ACACA: variants seen among roughly 807,000 people sequenced by gnomAD.
ACACA encodes the protein acetyl-CoA carboxylase alpha.
A neutral mutation model predicts 296.1 loss-of-function variants in ACACA; 103 were observed. The observed-to-expected ratio is 0.35, with a 90% CI of 0.30 to 0.41. The LOEUF (loss-of-function observed/expected upper bound fraction) is 0.41. Among genes scored for constraint, ACACA ranks in the 10% least tolerant of loss-of-function variants. The pLI, the probability that ACACA is intolerant of heterozygous loss-of-function variation, is 1.00. For synonymous variants in ACACA, 953 were observed against 1,038.6 expected, an observed-to-expected ratio of 0.92 and a Z score of 1.58; for missense variants, 1,554 against 2,989.7, an observed-to-expected ratio of 0.52 and a Z score of 11.20.
Position 37,097,804 on chromosome 17 carries a change from C to A in ACACA, c.6720+26G>T, listed in dbSNP as rs780931337. 2 of 1,612,910 alleles carry A rather than the reference C, an allele frequency of 1.2e-6. No individual in the cohort carries two copies. The highest frequency in any genetic ancestry group is 1.7e-5 in the Admixed American group (1 of 59,990). ...CACTTGCCCACATGTGGGCCTCTGACAAGAAGTGGCAACCATTGTACTTAC... is the reference window on the plus strand; with the variant it reads ...CACTTGCCCACATGTGGGCCTCTGAAAAGAAGTGGCAACCATTGTACTTAC... On this transcript the variant is annotated intron_variant, in intron 53 of 55. Coordinates refer to ENST00000616317, the MANE Select transcript of ACACA (RefSeq NM_198834.3). This position sits in a 1 kb window ranked among gnomAD's most constrained non-coding sequence, Gnocchi z 4.8.
intron 29 of ACACA, among the ~76,000 whole-genome samples, chr17:37,219,225 C>T (rs1033746242): frequency 1.3e-5 from 2 of 152,140 alleles, no homozygotes; most frequent in African/African-American, 2.4e-5. Context: ...GTCAATGGAG[C>T]TTCTTGGTTG....
At chr17:37,282,236 C>A (rs181172060) in intron 5 of ACACA, among the ~76,000 whole-genome samples, 81 of 152,290 alleles carry the variant, frequency 5.3e-4, no homozygotes, top group Admixed American at 1.4e-3. Context: ...ACCCTCCCCA[C>A]AATTCTCTGT....
At chr17:37,338,424 A>C (rs1316510116) in intron 2 of ACACA, among the ~76,000 whole-genome samples, 2 of 152,058 alleles carry the variant, frequency 1.3e-5, no homozygotes, top group Non-Finnish European at 2.9e-5. Context: ...TGGGAGGCCG[A>C]GGCAGGTAGA....
At chr17:37,313,167 G>C (rs545484332) in intron 3 of ACACA, among the ~76,000 whole-genome samples, 1 of 152,196 alleles carries the variant, frequency 6.6e-6, no homozygotes, top group East Asian at 1.9e-4. Context: ...AGGAGGGAGA[G>C]CATCAGGAAG....
intron 1 of ACACA, among the ~76,000 whole-genome samples, chr17:37,399,328 G>T (rs1216486981): frequency 6.6e-6 from 1 of 152,052 alleles, no homozygotes; most frequent in Non-Finnish European, 1.5e-5. Context: ...TCAAATTCAG[G>T]AAAGTTTCAA....
At chr17:37,398,985 CT>C (rs35767845) in intron 1 of ACACA, among the ~76,000 whole-genome samples, 224 of 142,900 alleles carry the variant, frequency 1.6e-3, no homozygotes, top group Non-Finnish European at 1.4e-3. Flanking sequence ...TCCCTAAATT[CT>C]TTTTTTTTTT....
rs1482335603 is a variant in ACACA at position 37,202,700 on chromosome 17, TATATATATATATACAC to T, written c.4057-2233_4057-2218del. 6.2e-3 allele frequency among the ~76,000 whole-genome samples: 112 copies of T among 17,922 alleles called. 1 individual carries two copies. Among genetic ancestry groups the T allele is most frequent in the African/African-American group, 0.017 (61 of 3,540 alleles). The allele number at this position is 17,922 out of a possible 152,430, so 11.8% of individuals were successfully genotyped here. On this transcript the variant is annotated intron_variant, in intron 33 of 55. Transcript: ENST00000616317. ...ATATATATATATATATATATATATA[TATATATATATATACAC>T]ACACACATATATTTTAACAAGGAGA...
intron 10 of ACACA, among the ~76,000 whole-genome samples, chr17:37,269,777 A>AAAAAG (rs2081986579): frequency 1.3e-5 from 2 of 151,242 alleles, no homozygotes; most frequent in Admixed American, 1.3e-4. Flanking sequence ...AAAAAAAAAA[A>AAAAAG]GCGAAATAAA....
chr17:37,379,473 G>A (rs1049880441), intron 1 of ACACA: 23 of 1,436,770 alleles, frequency 1.6e-5, no homozygotes, highest in Non-Finnish European at 2.1e-5. Flanking sequence ...AAAGCTACAA[G>A]AAAATGAATT....
intron 24 of ACACA, among the ~76,000 whole-genome samples, chr17:37,237,902 C>G (rs1382443360): frequency 6.6e-6 from 1 of 152,130 alleles, no homozygotes; most frequent in Non-Finnish European, 1.5e-5. Flanking sequence ...GCTAGGACTA[C>G]AGGCACATAA....
At chr17:37,293,891 G>T (rs1000274057) in intron 3 of ACACA, among the ~76,000 whole-genome samples, 6 of 152,086 alleles carry the variant, frequency 3.9e-5, no homozygotes, top group African/African-American at 1.4e-4. Context: ...CCCATTCACT[G>T]TACTCAATTC....
intron 39 of ACACA, among the ~76,000 whole-genome samples, chr17:37,186,069 G>C (rs1396226826): frequency 6.6e-6 from 1 of 152,196 alleles, no homozygotes; most frequent in Non-Finnish European, 1.5e-5. Flanking sequence ...AATAAATGAT[G>C]TGCTAGGGCA....
At chr17:37,282,640 A>G (rs2082592439) in intron 5 of ACACA, among the ~76,000 whole-genome samples, 1 of 152,152 alleles carries the variant, frequency 6.6e-6, no homozygotes, top group Non-Finnish European at 1.5e-5. Context: ...AAAAAAAAGT[A>G]AAAAAACATA....
At chr17:37,278,443 G>T (rs2082365216) in intron 5 of ACACA, among the ~76,000 whole-genome samples, 1 of 152,186 alleles carries the variant, frequency 6.6e-6, no homozygotes, top group Non-Finnish European at 1.5e-5. Flanking sequence ...AGATAGGAGA[G>T]CCTGAATGGC....
At chr17:37,150,239 A>T (rs1206882772) in intron 44 of ACACA, among the ~76,000 whole-genome samples, 1 of 152,160 alleles carries the variant, frequency 6.6e-6, no homozygotes, top group African/African-American at 2.4e-5. Context: ...ACTTGAGCCC[A>T]GGAGTTCAAG....
chr17:37,104,725 G>A (rs1030459638), intron 52 of ACACA, among the ~76,000 whole-genome samples: 3 of 152,064 alleles, frequency 2.0e-5, no homozygotes, highest in Admixed American at 6.5e-5. Flanking sequence ...GAAGGACTGC[G>A]GAGGCCAGGA....
intron 1 of ACACA, among the ~76,000 whole-genome samples, chr17:37,362,766 G>A (rs1168773760): frequency 6.6e-6 from 1 of 152,066 alleles, no homozygotes; most frequent in Admixed American, 6.6e-5. Context: ...ACGAGGTCAG[G>A]ATATCGAGAC....
Position 37,223,607 on chromosome 17 carries a change from A to T in ACACA, c.3475-6T>A. 1 of 1,576,054 alleles carries T rather than the reference A, an allele frequency of 6.3e-7. No individual in the cohort carries two copies. Among genetic ancestry groups the T allele is most frequent in the Non-Finnish European group, 8.7e-7 (1 of 1,145,474 alleles). ...GTTTCTGATAGGATGAGTTTCTAGA[A>T]GATACAAAGACAGGCTTAAGCCTTA... On this transcript the variant is annotated splice_region_variant and splice_polypyrimidine_tract_variant and intron_variant, in intron 27 of 55. Transcript: ENST00000616317.
rs148044237 is a variant in ACACA at position 37,233,901 on chromosome 17, A to G, written c.3246+1074T>C. The stretch of plus-strand genomic sequence containing the variant: ...TATTCTAGGGTAGCAAAGGCAATGA[A>G]CTCTCCCTATAATTACATATTTTTT... On this transcript the variant is annotated intron_variant, in intron 25 of 55. Coordinates refer to ENST00000616317, the MANE Select transcript of ACACA (RefSeq NM_198834.3). Among the ~76,000 whole-genome samples the G allele has an allele frequency of 2.0e-5, 3 of 152,142 alleles. No individual in the cohort carries two copies. The East Asian group carries it at 5.8e-4, about 29-fold the overall frequency.
Sources: gnomAD v4.1 joint callset for allele counts (sites outside exome capture counted in the v4.1 genomes callset) on GRCh38, gnomAD v4.1.1 for gene constraint, Gnocchi (gnomAD v3.1) non-coding constraint, MANE v1.5 for transcripts, NCBI Gene and HGNC (gene_info 2026-07-23, HGNC 2026-07-21) for gene names.